The following SLC25A41 variants were observed in gnomAD, a reference collection of about 807,000 sequenced individuals.
SLC25A41 encodes the protein solute carrier family 25 member 41, also known as mitochondrial carrier protein SCaMC-3L.
SLC25A41 carries 35 observed loss-of-function variants against 34.7 expected under a neutral mutation model. That is an observed-to-expected ratio of 1.01 (90% CI 0.77 to 1.34). SLC25A41 has a LOEUF of 1.34. SLC25A41 is among the 40% of genes most tolerant of loss of function. SLC25A41 has a pLI of 0.00. For synonymous variants in SLC25A41, 190 were observed against 209.9 expected (o/e 0.91, Z 0.82); for missense variants, 492 against 489.8 (o/e 1.00, Z -0.04).
rs1568349265 is a variant in SLC25A41 at position 6,429,030 on chromosome 19, TATATATATA to T, written c.624+685_624+693del. On this transcript the variant is annotated intron_variant, in intron 4 of 6. Coordinates refer to ENST00000321510, the MANE Select transcript of SLC25A41 (RefSeq NM_173637.4). The stretch of plus-strand genomic sequence containing the variant: ...GGTGTCTGGCCTGAAAATTTATATA[TATATATATA>T]ATATATATATTATATATATGTTATA... Among the ~76,000 whole-genome samples the T allele has an allele frequency of 1.0e-3, 33 of 32,946 alleles. 3 individuals carry two copies. Among genetic ancestry groups the T allele is most frequent in the African/African-American group, 5.6e-3 (28 of 4,972 alleles). 21.6% of individuals were successfully genotyped at this position (32,946 alleles called of 152,430 possible). A position where few individuals can be genotyped will look rare whatever the true frequency, so the allele number is the denominator to read the frequency against.
rs1599250890 is a variant in SLC25A41, at chr19:6,426,144, T to TC, written c.*244dup. 1.0e-5 allele frequency: 5 copies of TC among 492,764 alleles called. No individual in the cohort carries two copies. In the East Asian group the frequency reaches 1.5e-4, roughly 15 times the overall value. 30.5% of individuals were successfully genotyped at this position (492,764 alleles called of 1,614,324 possible). On this transcript the variant is annotated 3_prime_UTR_variant, in exon 7 of 7. Transcript: ENST00000321510. Reference sequence around the variant, plus strand: ...CAGACTGGAGTCCACGTTTCTTGTCTCAGGCTGCACCCTGGGGAGGGAGTC... The same window carrying TC: ...CAGACTGGAGTCCACGTTTCTTGTCTCCAGGCTGCACCCTGGGGAGGGAGTC...
In SLC25A41 at chr19:6,427,364, G is replaced by A. The variant is rs768165761; in HGVS notation, c.762C>T (p.Pro254=). The A allele has an allele frequency of 3.7e-6, 6 of 1,610,902 alleles. No individual in the cohort carries two copies. In the Admixed American group the frequency reaches 6.7e-5, roughly 18 times the overall value. The change falls in exon 5 of 7, where the codon CCC becomes CCT. Residue 254 remains proline, a synonymous_variant. Coordinates refer to ENST00000321510, the MANE Select transcript of SLC25A41 (RefSeq NM_173637.4). This position sits in a 1 kb window ranked among gnomAD's most constrained non-coding sequence, Gnocchi z 4.9. ...GYLPNMLGII[P]YACTDLAVYE... ...AGACAGCCAGGTCGGTGCAGGCATA[G>A]GGGATGATGCCGAGCATATTGGGCA...
At chr19:6,430,243 G>A in intron 2 of SLC25A41, 82 bp from the exon 3 acceptor site, 1 of 1,455,200 alleles carries the variant, frequency 6.9e-7, no homozygotes, top group African/African-American at 1.4e-5. Context: ...AGCCCCACCG[G>A]GACCTCCCAA....
In SLC25A41 at chr19:6,427,884, T is replaced by A. The variant is rs1202275624; in HGVS notation, c.625-383A>T. ...GAAACATCAACATGGGAGAACAGCC[T>A]GGAAAACTGATTAAGAATAACAGGG... On this transcript the variant is annotated intron_variant, in intron 4 of 6. Transcript: ENST00000321510. This position sits in a 1 kb window ranked among gnomAD's most constrained non-coding sequence, Gnocchi z 4.9. 2.0e-5 allele frequency among the ~76,000 whole-genome samples: 3 copies of A among 151,882 alleles called. No homozygotes were observed. Among genetic ancestry groups the A allele is most frequent in the Non-Finnish European group, 4.4e-5 (3 of 67,986 alleles).
chr19:6,427,030 G>A lies in SLC25A41; in HGVS notation c.940+73C>T. 8 of 1,503,578 alleles carry A rather than the reference G, an allele frequency of 5.3e-6. No individual in the cohort carries two copies. Among genetic ancestry groups the A allele is most frequent in the South Asian group, 4.9e-5 (4 of 81,676 alleles). The allele number at this position is 1,503,578 out of a possible 1,614,324, so 93.1% of individuals were successfully genotyped here. ...GGAGGGTGCCGGACTCAGTTTTGGGGTATGAGAAAATTGAGACAGCCAGGG... is the reference window on the plus strand; with the variant it reads ...GGAGGGTGCCGGACTCAGTTTTGGGATATGAGAAAATTGAGACAGCCAGGG... On this transcript the variant is annotated intron_variant, in intron 6 of 6. Transcript: ENST00000321510. The surrounding 1 kb of genome is among the most constrained non-coding windows in gnomAD (Gnocchi z 4.9).
At chr19:6,429,896 G>T in intron 3 of SLC25A41, 65 bp from the exon 4 acceptor site, 1 of 1,591,404 alleles carries the variant, frequency 6.3e-7, no homozygotes, top group African/African-American at 1.3e-5. Context: ...CCCGCGCAGG[G>T]AAGAGGCCTG....
Position 6,432,189 on chromosome 19 carries a change from C to G in SLC25A41, c.223G>C (p.Glu75Gln), listed in dbSNP as rs2092288526. The G allele has an allele frequency of 4.3e-6, 7 of 1,613,740 alleles. No individual in the cohort carries two copies. The highest frequency in any genetic ancestry group is 5.9e-6 in the Non-Finnish European group (7 of 1,179,740). ...ACTTCCACGGGGACCATCAGCTGCT[C>G]TCCTGTGTCCAGTACCTGCAGGGCA... ...LPSQQVLDTG[E>Q]QLMVPVEVLE... The change falls in exon 2 of 7, where the codon GAG becomes CAG. Residue 75 changes from glutamate to glutamine, a missense_variant. Glu to Gln is a conservative substitution (Grantham distance 29, BLOSUM62 2). Coordinates refer to ENST00000321510, the MANE Select transcript of SLC25A41 (RefSeq NM_173637.4).
At chr19:6,428,506 T>C (rs2092254611) in intron 4 of SLC25A41, among the ~76,000 whole-genome samples, 1 of 147,752 alleles carries the variant, frequency 6.8e-6, no homozygotes. Flanking sequence ...ATACATATTA[T>C]ATATGTATTA....
intron 1 of SLC25A41, among the ~76,000 whole-genome samples, chr19:6,432,409 T>C (rs2092289580): frequency 6.6e-6 from 1 of 150,602 alleles, no homozygotes; most frequent in South Asian, 2.1e-4. Flanking sequence ...ACCTCCCAGG[T>C]TCAAGCAGTT....
At position 6,426,188 on chromosome 19, in the gene SLC25A41, A is replaced by G; in HGVS notation, c.*201T>C. The G allele has an allele frequency of 1.8e-6, 1 of 570,176 alleles. No individual in the cohort carries two copies. The highest frequency in any genetic ancestry group is 3.1e-6 in the Non-Finnish European group (1 of 326,950). The allele number at this position is 570,176 out of a possible 1,614,324, so 35.3% of individuals were successfully genotyped here. A position where few individuals can be genotyped will look rare whatever the true frequency, so the allele number is the denominator to read the frequency against. On this transcript the variant is annotated 3_prime_UTR_variant, in exon 7 of 7. Transcript: ENST00000321510. The stretch of plus-strand genomic sequence containing the variant: ...GGGAGTCCCAGGAGTTTTCTGACCC[A>G]GCACTGCCCCCCTCCACCCACCACC...
In SLC25A41 at chr19:6,429,733, G is replaced by A. The variant is rs776000103; in HGVS notation, c.615C>T (p.Asn205=). Residue 205 remains asparagine (N), a synonymous_variant, in exon 4 of 7, where the codon AAC becomes AAT. Coordinates refer to ENST00000321510, the MANE Select transcript of SLC25A41 (RefSeq NM_173637.4). The part of the protein sequence containing the change: ...LAVAISQTLI[N]PMEVLKTRLT... ...GCACATGCTCTCTTACCTCCATGGG[G>A]TTGATGAGGGTCTGGGAGATGGCCA... 6.9e-6 allele frequency: 11 copies of A among 1,595,128 alleles called. No homozygotes were observed. Among genetic ancestry groups the A allele is most frequent in the South Asian group, 5.6e-5 (5 of 89,160 alleles).
chr19:6,433,802 T>G, upstream of SLC25A41: 2 of 976,170 alleles, frequency 2.0e-6, no homozygotes, highest in Non-Finnish European at 2.9e-6. Flanking sequence ...AAGAGGAGGA[T>G]GAAGTCACAA....
intron 1 of SLC25A41, 37 bp downstream of exon 1, chr19:6,433,449 AC>A: frequency 1.3e-6 from 2 of 1,598,614 alleles, no homozygotes; most frequent in Non-Finnish European, 1.7e-6. Flanking sequence ...TGTAGTCCTG[AC>A]CAGAGGTGCC....
rs201135545 is a variant in SLC25A41 at position 6,433,535 on chromosome 19, C to T, written c.159G>A (p.Ala53=). ...GGTTGTTGTCATGCATGTGGCCAAACGCGTACCCATACACGTGTGTACAGC... is the reference window on the plus strand; with the variant it reads ...GGTTGTTGTCATGCATGTGGCCAAATGCGTACCCATACACGTGTGTACAGC... ...NPGCTHVYGY[A]FGHMHDNNLE... Residue 53 remains alanine, a synonymous_variant, in exon 1 of 7, where the codon GCG becomes GCA. Transcript: ENST00000321510. The T allele has an allele frequency of 1.9e-4, 300 of 1,613,004 alleles. No individual in the cohort carries two copies. The highest frequency in any genetic ancestry group is 7.1e-4 in the East Asian group (32 of 44,844).
chr19:6,429,476 AGAGGAGGGGAGGAGGAGGGAGAAAGGAG>A (rs2092273097), intron 4 of SLC25A41, among the ~76,000 whole-genome samples: 5 of 44,462 alleles, frequency 1.1e-4, no homozygotes, highest in African/African-American at 8.9e-5. Context: ...AGGAGAGGAA[AGAGGAGGGGAGGAGGAGGGAGAAAGGAG>A]GAGGAGGAGA....
rs927791880 is a variant in SLC25A41, at chr19:6,427,759, G to T, written c.625-258C>A. On this transcript the variant is annotated intron_variant, in intron 4 of 6. Coordinates refer to ENST00000321510, the MANE Select transcript of SLC25A41 (RefSeq NM_173637.4). The surrounding 1 kb of genome is among the most constrained non-coding windows in gnomAD (Gnocchi z 4.9). ...CCCAGCCCTTTGGGAGGCTGAGGCGGGAGGATCGCTTGAGGCCGGGAGTTC... is the reference window on the plus strand; with the variant it reads ...CCCAGCCCTTTGGGAGGCTGAGGCGTGAGGATCGCTTGAGGCCGGGAGTTC... Among the ~76,000 whole-genome samples, 1 of 152,238 alleles carries T rather than the reference G, an allele frequency of 6.6e-6. No homozygotes were observed. Among genetic ancestry groups the T allele is most frequent in the African/African-American group, 2.4e-5 (1 of 41,472 alleles).
chr19:6,427,328 C>A lies in SLC25A41; in HGVS notation c.792+6G>T. 1.2e-6 allele frequency: 2 copies of A among 1,606,196 alleles called. No individual in the cohort carries two copies. Among genetic ancestry groups the A allele is most frequent in the Non-Finnish European group, 8.5e-7 (1 of 1,175,290 alleles). ...AGCCCTGCCACCCCCTCTGCAGGAC[C>A]CATACCTCATAGACAGCCAGGTCGG... On this transcript the variant is annotated splice_donor_region_variant and intron_variant, in intron 5 of 6. Transcript: ENST00000321510. This position sits in a 1 kb window ranked among gnomAD's most constrained non-coding sequence, Gnocchi z 4.9.
chr19:6,426,697 A>G, intron 6 of SLC25A41, 136 bp from the exon 7 acceptor site: 1 of 868,156 alleles, frequency 1.2e-6, no homozygotes. Flanking sequence ...GAAGAGTCTT[A>G]GAGGAAATTG....
At chr19:6,431,751 G>A (rs2092286351) in intron 2 of SLC25A41, among the ~76,000 whole-genome samples, 1 of 151,962 alleles carries the variant, frequency 6.6e-6, no homozygotes, top group African/African-American at 2.4e-5. Flanking sequence ...CCCCTACCTT[G>A]TCTTTAAACT....
Sources: gnomAD v4.1 joint callset for allele counts (sites outside exome capture counted in the v4.1 genomes callset) on GRCh38, gnomAD v4.1.1 for gene constraint, Gnocchi (gnomAD v3.1) non-coding constraint, MANE v1.5 for transcripts, NCBI Gene and HGNC (gene_info 2026-07-23, HGNC 2026-07-21) for gene names.